The following RTN4RL1 variants were observed in gnomAD, a reference collection of about 807,000 sequenced individuals.
RTN4RL1 encodes reticulon 4 receptor like 1.
In RTN4RL1, 7 loss-of-function variants were observed where a neutral mutation model predicts 25.6. That is an observed-to-expected ratio of 0.27 (90% confidence interval 0.16 to 0.51). The LOEUF is 0.51. Ranked by LOEUF, RTN4RL1 falls within the 20% of genes least tolerant of loss-of-function variation. The probability of loss-of-function intolerance (pLI) is 0.97; values close to 1 mark genes in which losing one functional copy is unlikely to be tolerated. For synonymous variants in RTN4RL1, 297 were observed against 288.2 expected, an observed-to-expected ratio of 1.03 and a Z score of -0.31; for missense variants, 500 against 615.6, an observed-to-expected ratio of 0.81 and a Z score of 1.99.
At chr17:2,023,986 C>T (rs2151333461) in intron 1 of RTN4RL1, among the ~76,000 whole-genome samples, 1 of 152,226 alleles carries the variant, frequency 6.6e-6, no homozygotes, top group Non-Finnish European at 1.5e-5. Flanking sequence ...GAGGCAGACG[C>T]AGAGGCTGGA....
intron 1 of RTN4RL1, among the ~76,000 whole-genome samples, chr17:1,999,483 C>T (rs758103621): frequency 6.6e-6 from 1 of 151,914 alleles, no homozygotes; most frequent in Non-Finnish European, 1.5e-5. Flanking sequence ...CACACATGAA[C>T]TGCCCCATCC....
intron 1 of RTN4RL1, among the ~76,000 whole-genome samples, chr17:2,018,519 C>G (rs936840688): frequency 3.3e-5 from 5 of 152,212 alleles, no homozygotes; most frequent in African/African-American, 1.2e-4. Context: ...CCAGCAAGCT[C>G]TGCGAGAAGC....
At chr17:1,950,672 C>A (rs1915653238) in intron 1 of RTN4RL1, among the ~76,000 whole-genome samples, 1 of 151,264 alleles carries the variant, frequency 6.6e-6, no homozygotes, top group Admixed American at 6.6e-5. Flanking sequence ...CATGGTTAAA[C>A]CTCATGTCTA....
rs1256618287 is a variant in RTN4RL1 at position 1,936,128 on chromosome 17, A to G, written c.*368T>C. The G allele has an allele frequency of 9.5e-7, 1 of 1,055,836 alleles. No homozygotes were observed. Among genetic ancestry groups the G allele is most frequent in the African/African-American group, 1.7e-5 (1 of 59,330 alleles). The allele number at this position is 1,055,836 out of a possible 1,614,324, so 65.4% of individuals were successfully genotyped here. On this transcript the variant is annotated 3_prime_UTR_variant, in exon 2 of 2. Coordinates refer to ENST00000331238, the MANE Select transcript of RTN4RL1 (RefSeq NM_178568.4). The stretch of plus-strand genomic sequence containing the variant: ...TTCTCCAGGAACCACGGGGCCCTCC[A>G]GACCTCTCGGAACGATCGGGATTCC...
chr17:2,019,574 C>A (rs142395785), intron 1 of RTN4RL1: 2 of 152,460 alleles, frequency 1.3e-5, no homozygotes, highest in African/African-American at 4.8e-5. Context: ...CTACCCCTTC[C>A]CCTGCCTTTT....
rs574624631 is a variant in RTN4RL1 at position 1,935,083 on chromosome 17, C to T, written c.*1413G>A. ...CACACAGGGCCCTTGCTGGGTCACA[C>T]ACCAAACAGCCTCAAGGAAAAATTC... On this transcript the variant is annotated 3_prime_UTR_variant, in exon 2 of 2. Coordinates refer to ENST00000331238, the MANE Select transcript of RTN4RL1 (RefSeq NM_178568.4). 6.5e-6 allele frequency: 1 copy of T among 152,730 alleles called. No individual in the cohort carries two copies. The highest frequency in any genetic ancestry group is 6.5e-5 in the Admixed American group (1 of 15,306). The allele number at this position is 152,730 out of a possible 1,614,324, so 9.5% of individuals were successfully genotyped here.
intron 1 of RTN4RL1, among the ~76,000 whole-genome samples, chr17:1,949,297 A>G (rs1314295041): frequency 6.8e-6 from 1 of 147,406 alleles, no homozygotes; most frequent in Middle Eastern, 3.3e-3. Flanking sequence ...GGGTTTCACC[A>G]TGTTGGCCAG....
chr17:1,982,793 G>A (rs967106733), intron 1 of RTN4RL1, among the ~76,000 whole-genome samples: 1 of 152,300 alleles, frequency 6.6e-6, no homozygotes, highest in African/African-American at 2.4e-5. Flanking sequence ...AGGAAAGTTC[G>A]ACAACTTGCT....
intron 1 of RTN4RL1, among the ~76,000 whole-genome samples, chr17:1,969,853 A>C (rs2066810232): frequency 1.3e-5 from 2 of 152,168 alleles, no homozygotes; most frequent in Non-Finnish European, 2.9e-5. Context: ...TGTGGGTCAA[A>C]CAGGCTCAGC....
intron 1 of RTN4RL1, among the ~76,000 whole-genome samples, chr17:1,969,277 T>A (rs1429267340): frequency 4.6e-5 from 7 of 152,054 alleles, no homozygotes; most frequent in African/African-American, 1.7e-4. Context: ...CAGGCTAGTC[T>A]TGAACTCCTG....
At chr17:2,005,079 C>T (rs1341040428) in intron 1 of RTN4RL1, among the ~76,000 whole-genome samples, 1 of 152,204 alleles carries the variant, frequency 6.6e-6, no homozygotes, top group African/African-American at 2.4e-5. Context: ...GATCTTAGCT[C>T]ACTGTAGCCT....
Position 1,970,011 on chromosome 17 carries a change from CTCTCTCTCTT to C in RTN4RL1, c.14-32213_14-32204del, listed in dbSNP as rs1179485198. On this transcript the variant is annotated intron_variant, in intron 1 of 1. Transcript: ENST00000331238. ...TCCATGTGGCCTCAGGATTTCTGCT[CTCTCTCTCTT>C]TTTTTTTTTTTTTTTTTTGAGATAG... Among the ~76,000 whole-genome samples, 189 of 127,120 alleles carry C rather than the reference CTCTCTCTCTT, an allele frequency of 1.5e-3. 1 individual carries two copies. Among genetic ancestry groups the C allele is most frequent in the Non-Finnish European group, 2.1e-3 (132 of 62,916 alleles). 83.4% of individuals were successfully genotyped at this position (127,120 alleles called of 152,430 possible).
intron 1 of RTN4RL1, among the ~76,000 whole-genome samples, chr17:1,986,921 C>T (rs1047532510): frequency 1.3e-5 from 2 of 152,026 alleles, no homozygotes; most frequent in African/African-American, 2.4e-5. Flanking sequence ...GCAACTGAGC[C>T]GTGCGACCTT....
chr17:1,968,360 G>A (rs542618734), intron 1 of RTN4RL1, among the ~76,000 whole-genome samples: 3 of 152,048 alleles, frequency 2.0e-5, no homozygotes, highest in Non-Finnish European at 2.9e-5. Context: ...CCTTGAGTCG[G>A]GTTCACCAAG....
chr17:2,011,063 C>A (rs557962048), intron 1 of RTN4RL1, among the ~76,000 whole-genome samples: 1 of 151,908 alleles, frequency 6.6e-6, no homozygotes, highest in South Asian at 2.1e-4. Flanking sequence ...ACCAGCCTGA[C>A]CAACATGGAG....
At position 1,986,598 on chromosome 17, in the gene RTN4RL1, A is replaced by G. The variant is rs9915161; in HGVS notation, c.13+38255T>C. 9.1e-3 allele frequency among the ~76,000 whole-genome samples: 1,387 copies of G among 152,234 alleles called. 20 individuals are homozygous for G. Among genetic ancestry groups the G allele is most frequent in the African/African-American group, 0.032 (1,308 of 41,516 alleles). On this transcript the variant is annotated intron_variant, in intron 1 of 1. Coordinates refer to ENST00000331238, the MANE Select transcript of RTN4RL1 (RefSeq NM_178568.4). ...AGGCAGAGACTGGAGCGATGCAGCC[A>G]CAGAGAACCCCCACGGCCCCCAGAA...
intron 1 of RTN4RL1, among the ~76,000 whole-genome samples, chr17:1,944,615 C>T (rs1474265190): frequency 6.6e-6 from 1 of 152,062 alleles, no homozygotes; most frequent in African/African-American, 2.4e-5. Context: ...CACCACCACA[C>T]CCGGCTAATT....
At chr17:1,988,769 C>A (rs1041580372) in intron 1 of RTN4RL1, among the ~76,000 whole-genome samples, 2 of 152,084 alleles carry the variant, frequency 1.3e-5, no homozygotes, top group African/African-American at 2.4e-5. Context: ...ATCCTTTGAG[C>A]TGGGCTCTAG....
intron 1 of RTN4RL1, among the ~76,000 whole-genome samples, chr17:1,941,606 TG>T (rs375449579): frequency 1.7e-4 from 26 of 151,576 alleles, no homozygotes; most frequent in Admixed American, 5.9e-4. Flanking sequence ...GGCCAGGCGG[TG>T]GGGGGGGATC....
Sources: gnomAD v4.1 joint callset for allele counts (sites outside exome capture counted in the v4.1 genomes callset) on GRCh38, gnomAD v4.1.1 for gene constraint, MANE v1.5 for transcripts, NCBI Gene and HGNC (gene_info 2026-07-23, HGNC 2026-07-21) for gene names.